KATNIP: variants seen among roughly 807,000 people sequenced by gnomAD.
The protein encoded by KATNIP is katanin interacting protein.
A neutral mutation model predicts 174.0 loss-of-function variants in KATNIP; 126 were observed. The ratio of observed to expected loss-of-function variants is 0.72; its 90% CI spans 0.63 to 0.84. KATNIP has a LOEUF of 0.84. Among genes scored for constraint, KATNIP ranks in the 40% least tolerant of loss-of-function variants. The pLI is 0.00. For missense variants in KATNIP, 1,958 were observed against 2,109.7 expected, an observed-to-expected ratio of 0.93 and a Z score of 1.41; for synonymous variants, 810 against 835.7, an observed-to-expected ratio of 0.97 and a Z score of 0.53.
At chr16:27,759,122 C>G (rs1597392592) in intron 18 of KATNIP, among the ~76,000 whole-genome samples, 2 of 152,324 alleles carry the variant, frequency 1.3e-5, no homozygotes, top group Middle Eastern at 6.8e-3. Flanking sequence ...TAAAAACATT[C>G]ATTGAACATC....
rs550400214 is a variant in KATNIP at position 27,768,572 on chromosome 16, G to A, written c.3976-1289G>A. ...AGAGAAAGCTCCCCTTTCCAGGCAAGCCAGCAAAACCCCAGGAGTCATGCT... is the reference window on the plus strand; with the variant it reads ...AGAGAAAGCTCCCCTTTCCAGGCAAACCAGCAAAACCCCAGGAGTCATGCT... On this transcript the variant is annotated intron_variant, in intron 20 of 27. Transcript: ENST00000261588. 1.1e-3 allele frequency among the ~76,000 whole-genome samples: 167 copies of A among 152,270 alleles called. 2 individuals are homozygous for A. Among genetic ancestry groups the A allele is most frequent in the African/African-American group, 3.9e-3 (162 of 41,546 alleles).
At chr16:27,643,869 T>G (rs923338614) in intron 5 of KATNIP, among the ~76,000 whole-genome samples, 10 of 152,016 alleles carry the variant, frequency 6.6e-5, no homozygotes, top group Non-Finnish European at 1.0e-4. Flanking sequence ...CCCCAGGGCT[T>G]CAAGGGAAAT....
intron 2 of KATNIP, among the ~76,000 whole-genome samples, chr16:27,610,971 C>T (rs1426742959): frequency 6.6e-6 from 1 of 152,168 alleles, no homozygotes; most frequent in African/African-American, 2.4e-5. Context: ...AGTTGTCCCG[C>T]CTTTTGAGGA....
intron 2 of KATNIP, among the ~76,000 whole-genome samples, chr16:27,594,845 T>G (rs931216558): frequency 1.3e-5 from 2 of 152,226 alleles, no homozygotes; most frequent in African/African-American, 4.8e-5. Flanking sequence ...ATAGCCAGTT[T>G]ATCAGTTGCT....
Position 27,628,736 on chromosome 16 carries a change from T to C in KATNIP, c.216T>C (p.Tyr72=). The change falls in exon 4 of 28, where the codon TAT becomes TAC. Residue 72 remains tyrosine, a synonymous_variant. Coordinates refer to ENST00000261588, the MANE Select transcript of KATNIP (RefSeq NM_015202.5). Reference sequence around the variant, plus strand: ...ACTTGGAGCAAGGTTTCTCTGTCTATGTCAACGGTGCCAATTCGGAGCTGA... The same window carrying C: ...ACTTGGAGCAAGGTTTCTCTGTCTACGTCAACGGTGCCAATTCGGAGCTGA... ...LEHLEQGFSV[Y]VNGANSELKS... is the part of the protein sequence containing the mutation. The C allele has an allele frequency of 6.2e-7, 1 of 1,614,228 alleles. No individual in the cohort carries two copies. The highest frequency in any genetic ancestry group is 8.5e-7 in the Non-Finnish European group (1 of 1,180,036).
chr16:27,597,020 C>CA (rs1295518712), intron 2 of KATNIP, among the ~76,000 whole-genome samples: 1 of 151,962 alleles, frequency 6.6e-6, no homozygotes, highest in Non-Finnish European at 1.5e-5. Flanking sequence ...GAGAATGTCT[C>CA]AAAAAAATAA....
chr16:27,621,337 C>G (rs148792899), intron 3 of KATNIP, among the ~76,000 whole-genome samples: 1 of 152,174 alleles, frequency 6.6e-6, no homozygotes, highest in African/African-American at 2.4e-5. Flanking sequence ...TAGCTACATC[C>G]AAGTGTTTAG....
chr16:27,589,826 T>C (rs1309948157), intron 2 of KATNIP, among the ~76,000 whole-genome samples: 2 of 152,066 alleles, frequency 1.3e-5, no homozygotes, highest in African/African-American at 4.8e-5. Flanking sequence ...AGAGTCTCGC[T>C]CTGTGGCCCA....
intron 17 of KATNIP, 108 bp downstream of exon 17, chr16:27,752,032 C>A: frequency 6.4e-6 from 5 of 784,862 alleles, no homozygotes; most frequent in Non-Finnish European, 9.3e-6. Context: ...GCTGCTGGTG[C>A]CACTGTGTTG....
At chr16:27,553,540 T>A (rs2089481765) in intron 1 of KATNIP, among the ~76,000 whole-genome samples, 1 of 152,158 alleles carries the variant, frequency 6.6e-6, no homozygotes, top group Non-Finnish European at 1.5e-5. Flanking sequence ...GATGGTTGGG[T>A]TCAGTGGCTC....
At chr16:27,671,043 A>C (rs903436798) in intron 6 of KATNIP, among the ~76,000 whole-genome samples, 6 of 152,026 alleles carry the variant, frequency 3.9e-5, no homozygotes, top group Non-Finnish European at 7.4e-5. Context: ...AATACAAAAA[A>C]TTACTCAGGC....
intron 2 of KATNIP, among the ~76,000 whole-genome samples, chr16:27,582,685 AC>A (rs1379811824): frequency 1.3e-5 from 2 of 152,144 alleles, no homozygotes; most frequent in Non-Finnish European, 2.9e-5. Context: ...CAAGTGACTT[AC>A]CTTTTCGTGA....
At chr16:27,572,522 C>T (rs374197109) in intron 1 of KATNIP, among the ~76,000 whole-genome samples, 35 of 152,196 alleles carry the variant, frequency 2.3e-4, no homozygotes, top group African/African-American at 6.3e-4. Context: ...AGCTCACACA[C>T]GGAGATAGCC....
intron 6 of KATNIP, among the ~76,000 whole-genome samples, chr16:27,661,103 A>C (rs966295523): frequency 1.3e-5 from 2 of 152,240 alleles, no homozygotes; most frequent in African/African-American, 4.8e-5. Context: ...CCAAACTGTG[A>C]ATCAGGACAC....
At chr16:27,710,126 G>A (rs1333975502) in intron 13 of KATNIP, among the ~76,000 whole-genome samples, 8 of 152,206 alleles carry the variant, frequency 5.3e-5, no homozygotes, top group Non-Finnish European at 8.8e-5. Context: ...TTGGGAGGCC[G>A]AGGTGGGCGG....
At position 27,656,861 on chromosome 16, in the gene KATNIP, G is replaced by A. The variant is rs551619583; in HGVS notation, c.540+8126G>A. Among the ~76,000 whole-genome samples the A allele has an allele frequency of 4.0e-5, 6 of 149,664 alleles. No homozygotes were observed. In the East Asian group the frequency reaches 7.9e-4, roughly 20 times the overall value. ...TAGATGACGAGCTAGTGGGTGCAGC[G>A]CACCAGCATGGCACATGTATACATA... On this transcript the variant is annotated intron_variant, in intron 6 of 27. Coordinates refer to ENST00000261588, the MANE Select transcript of KATNIP (RefSeq NM_015202.5).
At chr16:27,733,238 A>G (rs944424227) in intron 14 of KATNIP, among the ~76,000 whole-genome samples, 4 of 152,214 alleles carry the variant, frequency 2.6e-5, no homozygotes, top group Non-Finnish European at 5.9e-5. Context: ...GTTCATTGCA[A>G]GAGACCTGCC....
intron 15 of KATNIP, among the ~76,000 whole-genome samples, chr16:27,746,120 G>A (rs140486182): frequency 3.9e-5 from 6 of 152,040 alleles, no homozygotes; most frequent in Non-Finnish European, 7.4e-5. Flanking sequence ...GTGAGCCACC[G>A]TGCCCGGCCA....
intron 12 of KATNIP, among the ~76,000 whole-genome samples, chr16:27,704,482 T>A (rs1481565622): frequency 6.6e-6 from 1 of 152,172 alleles, no homozygotes; most frequent in African/African-American, 2.4e-5. Flanking sequence ...GAGAAACACT[T>A]ATGTCTTTCC....
Sources: allele counts gnomAD v4.1 joint callset (sites outside exome capture counted in the v4.1 genomes callset), GRCh38; gene constraint gnomAD v4.1.1; transcripts MANE v1.5; gene names NCBI Gene and HGNC (gene_info 2026-07-23, HGNC 2026-07-21).